PRR5L: variants seen among roughly 807,000 people sequenced by gnomAD.
PRR5L encodes the protein proline-rich protein 5-like.
PRR5L carries 21 observed loss-of-function variants against 36.4 expected under a neutral mutation model. That is an observed-to-expected ratio of 0.58 (90% CI 0.41 to 0.83). PRR5L has a LOEUF of 0.83. PRR5L is among the 40% of genes least tolerant of loss of function. PRR5L has a pLI of 0.00. For missense variants in PRR5L, 381 were observed against 473.3 expected, an observed-to-expected ratio of 0.80 and a Z score of 1.81; for synonymous variants, 188 against 197.0, an observed-to-expected ratio of 0.95 and a Z score of 0.38.
At chr11:36,441,163 T>C (rs1858715103) in intron 6 of PRR5L, among the ~76,000 whole-genome samples, 1 of 152,152 alleles carries the variant, frequency 6.6e-6, no homozygotes, top group South Asian at 2.1e-4. Flanking sequence ...TGCCCAATAG[T>C]CCCCTAAAGT....
intron 3 of PRR5L, among the ~76,000 whole-genome samples, chr11:36,413,581 A>G (rs530392964): frequency 2.6e-4 from 39 of 148,574 alleles, no homozygotes; most frequent in African/African-American, 8.8e-4. Flanking sequence ...TTCCTTAAAG[A>G]TAAGTATTAG....
At chr11:36,412,447 T>C (rs1445563193) in intron 3 of PRR5L, among the ~76,000 whole-genome samples, 1 of 152,114 alleles carries the variant, frequency 6.6e-6, no homozygotes, top group Admixed American at 6.5e-5. Flanking sequence ...AAGTAATTGC[T>C]TTTCTGTTGA....
chr11:36,402,229 G>T (rs1464198479), intron 2 of PRR5L, among the ~76,000 whole-genome samples: 2 of 152,084 alleles, frequency 1.3e-5, no homozygotes, highest in Non-Finnish European at 2.9e-5. Context: ...TTGTAGTTTG[G>T]ATCGTTATGG....
At chr11:36,308,310 G>A (rs1297297650) in intron 1 of PRR5L, among the ~76,000 whole-genome samples, 1 of 152,160 alleles carries the variant, frequency 6.6e-6, no homozygotes, top group African/African-American at 2.4e-5. Flanking sequence ...AATATAAGTC[G>A]TCCACATCTG....
intron 1 of PRR5L, among the ~76,000 whole-genome samples, chr11:36,312,253 G>T (rs1480735098): frequency 6.6e-6 from 1 of 152,130 alleles, no homozygotes; most frequent in Non-Finnish European, 1.5e-5. Context: ...TAAAATTCTT[G>T]CTTTGTTCCT....
At chr11:36,455,500 AGAG>A (rs1375043556) in intron 8 of PRR5L, 3 of 152,980 alleles carry the variant, frequency 2.0e-5, no homozygotes, top group Non-Finnish European at 4.4e-5. Flanking sequence ...GTGAAAGGGA[AGAG>A]GAGGAGGCAG....
intron 1 of PRR5L, among the ~76,000 whole-genome samples, chr11:36,384,202 C>T (rs780073140): frequency 6.6e-6 from 1 of 152,180 alleles, no homozygotes; most frequent in Non-Finnish European, 1.5e-5. Context: ...AGTCTCCAGG[C>T]CCCATATTCT....
At chr11:36,424,668 G>C (rs977794227) in intron 4 of PRR5L, among the ~76,000 whole-genome samples, 1 of 152,182 alleles carries the variant, frequency 6.6e-6, no homozygotes, top group South Asian at 2.1e-4. Flanking sequence ...GGTAGTGACG[G>C]CTAACATTTT....
chr11:36,459,577 T>C lies in PRR5L; in HGVS notation c.713-2765T>C, dbSNP rs113765828. ...CCAGCTTTGCCTCTTCTTTGCAATG[T>C]TGAACAAGTTATTTAACCTCTCTGT... On this transcript the variant is annotated intron_variant, in intron 8 of 8. Transcript: ENST00000530639. Among the ~76,000 whole-genome samples, 1,199 of 152,328 alleles carry C rather than the reference T, an allele frequency of 7.9e-3. 14 individuals carry two copies. Among genetic ancestry groups the C allele is most frequent in the African/African-American group, 0.027 (1,108 of 41,568 alleles).
intron 6 of PRR5L, among the ~76,000 whole-genome samples, chr11:36,444,974 T>TA (rs1179137700): frequency 3.3e-5 from 5 of 152,224 alleles, no homozygotes; most frequent in Non-Finnish European, 7.3e-5. Flanking sequence ...TTTTAAAAGA[T>TA]ATTGAAGGAA....
intron 1 of PRR5L, among the ~76,000 whole-genome samples, chr11:36,335,371 A>G (rs1856758802): frequency 6.6e-6 from 1 of 150,962 alleles, no homozygotes; most frequent in Non-Finnish European, 1.5e-5. Context: ...GGCTGAGTAG[A>G]AACCTTTCTA....
At chr11:36,315,663 T>C (rs1000493900) in intron 1 of PRR5L, among the ~76,000 whole-genome samples, 6 of 152,250 alleles carry the variant, frequency 3.9e-5, no homozygotes, top group Admixed American at 3.9e-4. Flanking sequence ...TGATTTTGTA[T>C]AAACTGTGAG....
At chr11:36,447,509 C>T (rs528986510) in intron 7 of PRR5L, among the ~76,000 whole-genome samples, 1 of 152,302 alleles carries the variant, frequency 6.6e-6, no homozygotes, top group East Asian at 1.9e-4. Context: ...GGGACACCCC[C>T]AAGAGGTGAC....
At chr11:36,372,525 T>C (rs1857207444) in intron 1 of PRR5L, among the ~76,000 whole-genome samples, 2 of 152,198 alleles carry the variant, frequency 1.3e-5, no homozygotes, top group Admixed American at 1.3e-4. Flanking sequence ...GCCATTCTAT[T>C]GCATAATTTC....
At chr11:36,301,304 G>C (rs1051026961) in intron 1 of PRR5L, among the ~76,000 whole-genome samples, 2 of 152,186 alleles carry the variant, frequency 1.3e-5, no homozygotes, top group African/African-American at 2.4e-5. Flanking sequence ...GTTGTGACCA[G>C]AGTGGGTTTG....
chr11:36,305,124 A>G (rs933149732), intron 1 of PRR5L, among the ~76,000 whole-genome samples: 9 of 152,240 alleles, frequency 5.9e-5, no homozygotes, highest in African/African-American at 2.2e-4. Context: ...GAAACAACCC[A>G]ACTGTTCATC....
intron 1 of PRR5L, among the ~76,000 whole-genome samples, chr11:36,386,019 G>A (rs1857450743): frequency 6.6e-6 from 1 of 152,226 alleles, no homozygotes; most frequent in African/African-American, 2.4e-5. Flanking sequence ...TATTTGGGCA[G>A]GCATGGTGGC....
intron 1 of PRR5L, among the ~76,000 whole-genome samples, chr11:36,366,065 A>G (rs1464393565): frequency 1.3e-5 from 2 of 152,236 alleles, no homozygotes; most frequent in Admixed American, 6.5e-5. Flanking sequence ...TTCCCCAAAC[A>G]GTTTTGCAAC....
intron 1 of PRR5L, among the ~76,000 whole-genome samples, chr11:36,335,171 C>T (rs1240748630): frequency 2.0e-5 from 3 of 152,002 alleles, no homozygotes; most frequent in Non-Finnish European, 4.4e-5. Context: ...ATTGTGGCCT[C>T]GACCTCAGCC....
Sources: gnomAD v4.1 joint callset for allele counts (sites outside exome capture counted in the v4.1 genomes callset) on GRCh38, gnomAD v4.1.1 for gene constraint, MANE v1.5 for transcripts, NCBI Gene and HGNC (gene_info 2026-07-23, HGNC 2026-07-21) for gene names.